The following SREK1 variants were observed in gnomAD, a reference collection of about 807,000 sequenced individuals.
SREK1 encodes the protein splicing regulatory glutamic acid and lysine rich protein 1.
In SREK1, 13 loss-of-function variants were observed where a neutral mutation model predicts 66.5. That is an observed-to-expected ratio of 0.20 (90% CI 0.13 to 0.31). The LOEUF (loss-of-function observed/expected upper bound fraction) is 0.31. Among genes scored for constraint, SREK1 ranks in the 10% least tolerant of loss-of-function variants. The pLI is 1.00. For missense variants in SREK1, 607 were observed against 769.6 expected, an observed-to-expected ratio of 0.79 and a Z score of 2.50; for synonymous variants, 265 against 263.5, an observed-to-expected ratio of 1.01 and a Z score of -0.05.
intron 6 of SREK1, chr5:66,164,268 C>T (rs1744992877): frequency 7.4e-6 from 2 of 271,102 alleles, no homozygotes; most frequent in Non-Finnish European, 1.4e-5. Context: ...TACTTTTCCT[C>T]AACATTTTAA....
intron 1 of SREK1, among the ~76,000 whole-genome samples, chr5:66,145,698 A>T (rs538176571): frequency 6.6e-6 from 1 of 150,810 alleles, no homozygotes; most frequent in Non-Finnish European, 1.5e-5. Context: ...TTTTACGAGC[A>T]TTTTGTCTGT....
At chr5:66,152,012 A>AT (rs780892165) in intron 1 of SREK1, among the ~76,000 whole-genome samples, 25 of 151,716 alleles carry the variant, frequency 1.6e-4, no homozygotes, top group South Asian at 6.2e-4. Context: ...CGCCTGGAGA[A>AT]TTTTTTGTAT....
intron 10 of SREK1, among the ~76,000 whole-genome samples, chr5:66,175,929 G>A (rs533886493): frequency 3.0e-4 from 45 of 152,076 alleles, no homozygotes; most frequent in African/African-American, 9.4e-4. Flanking sequence ...TTTTACAAAG[G>A]TTTTTCATTT....
chr5:66,154,695 C>T (rs141268351), intron 2 of SREK1, among the ~76,000 whole-genome samples: 54 of 152,188 alleles, frequency 3.5e-4, no homozygotes, highest in African/African-American at 1.3e-3. Context: ...TTTTAAGTCC[C>T]AGAATAGGAC....
Position 66,156,197 on chromosome 5 carries a change from C to T in SREK1, c.295+2601C>T, listed in dbSNP as rs959082575. 8.6e-6 allele frequency: 11 copies of T among 1,280,650 alleles called. No homozygotes were observed. In the Admixed American group the frequency reaches 1.6e-4, roughly 18 times the overall value. 79.3% of individuals were successfully genotyped at this position (1,280,650 alleles called of 1,614,324 possible). A position where few individuals can be genotyped will look rare whatever the true frequency, so the allele number is the denominator to read the frequency against. On this transcript the variant is annotated intron_variant, in intron 2 of 11. Transcript: ENST00000334121. ...CGGAGTCTGAACCGCAGAAGATGGACGCCCTGTCTCTGTTTTTTATTGTTT... is the reference window on the plus strand; with the variant it reads ...CGGAGTCTGAACCGCAGAAGATGGATGCCCTGTCTCTGTTTTTTATTGTTT...
intron 1 of SREK1, among the ~76,000 whole-genome samples, chr5:66,147,221 A>T (rs944217102): frequency 5.3e-5 from 8 of 152,220 alleles, no homozygotes; most frequent in African/African-American, 1.9e-4. Context: ...AGCATTAAGA[A>T]TTCTTATTTG....
At chr5:66,163,679 T>TA (rs1268641546) in intron 5 of SREK1, 113 bp from the exon 6 acceptor site, 23 of 1,093,888 alleles carry the variant, frequency 2.1e-5, no homozygotes, top group Middle Eastern at 3.2e-4. Flanking sequence ...ATATCATTCT[T>TA]ACGTGCTTCT....
At chr5:66,155,925 GA>G in intron 2 of SREK1, 2 of 1,284,924 alleles carry the variant, frequency 1.6e-6, no homozygotes, top group Non-Finnish European at 2.1e-6. Context: ...TTAACACGTA[GA>G]AAAAGATACG....
intron 2 of SREK1, chr5:66,156,362 A>C: frequency 8.1e-7 from 1 of 1,233,958 alleles, no homozygotes; most frequent in South Asian, 2.9e-5. Flanking sequence ...TTAAGGGTTC[A>C]TAACGTGTTG....
chr5:66,162,176 T>A lies in SREK1; in HGVS notation c.479T>A (p.Leu160His), dbSNP rs1413350842. 3 of 1,614,038 alleles carry A rather than the reference T, an allele frequency of 1.9e-6. No homozygotes were observed. The African/African-American group carries it at 4.0e-5, about 22-fold the overall frequency. ...GCACTAGACCCCAACATTGCAACAC[T>A]TGGAGAGATACCACAGCCACCACTT... The part of the protein sequence containing the change: ...AAALDPNIAT[L>H]GEIPQPPLMG... The change falls in exon 4 of 12, where the codon CTT becomes CAT. Residue 160 changes from leucine (L) to histidine (H), a missense_variant. By Grantham distance (99) the Leu-to-His change is moderately conservative. Coordinates refer to ENST00000334121, the MANE Select transcript of SREK1 (RefSeq NM_001077199.3).
intron 5 of SREK1, 22 bp from the exon 6 acceptor site, chr5:66,163,770 T>C: frequency 1.2e-6 from 2 of 1,602,760 alleles, no homozygotes; most frequent in Non-Finnish European, 8.5e-7. Flanking sequence ...GTATTTGTGA[T>C]ATGCTAATAT....
intron 7 of SREK1, chr5:66,168,263 A>C (rs1415377202): frequency 3.3e-5 from 5 of 152,200 alleles, no homozygotes; most frequent in African/African-American, 1.2e-4. Context: ...ATTTTGACTA[A>C]CTGAAAAATG....
chr5:66,151,763 G>T (rs1255650069), intron 1 of SREK1, among the ~76,000 whole-genome samples: 5 of 147,184 alleles, frequency 3.4e-5, no homozygotes, highest in Non-Finnish European at 7.5e-5. Context: ...AGGGATTTTT[G>T]TTGAGGGCTG....
chr5:66,161,214 C>G (rs1330551559), intron 3 of SREK1, among the ~76,000 whole-genome samples: 2 of 152,176 alleles, frequency 1.3e-5, no homozygotes, highest in Admixed American at 1.3e-4. Context: ...TCATACTCAT[C>G]TGTGTTTTTC....
At chr5:66,168,764 A>G (rs1745378961) in intron 7 of SREK1, 1 of 152,240 alleles carries the variant, frequency 6.6e-6, no homozygotes, top group South Asian at 2.1e-4. Context: ...GGATACTTAT[A>G]GAAGTTCATT....
intron 3 of SREK1, among the ~76,000 whole-genome samples, chr5:66,160,723 C>G (rs1423301502): frequency 6.6e-6 from 1 of 152,118 alleles, no homozygotes; most frequent in Non-Finnish European, 1.5e-5. Context: ...TCATAAACTT[C>G]CGTTTTCACC....
At chr5:66,178,256 C>T (rs554715216) in intron 11 of SREK1, among the ~76,000 whole-genome samples, 54 of 152,064 alleles carry the variant, frequency 3.6e-4, no homozygotes, top group African/African-American at 9.4e-4. Context: ...TACGATGTGC[C>T]GGGCACTGTT....
intron 1 of SREK1, 59 bp downstream of exon 1, chr5:66,144,596 G>T (rs1402457138): frequency 2.0e-6 from 3 of 1,499,104 alleles, no homozygotes; most frequent in Admixed American, 2.3e-5. Context: ...CTCGGGAGCC[G>T]AGGCGTGGAG....
Position 66,181,036 on chromosome 5 carries a change from A to G in SREK1, c.*2168A>G, listed in dbSNP as rs922524835. ...GTATGAGTGTTTTCTTGTACTCTGGACCTATTACATGTTTCTTTATGTTGG... is the reference window on the plus strand; with the variant it reads ...GTATGAGTGTTTTCTTGTACTCTGGGCCTATTACATGTTTCTTTATGTTGG... On this transcript the variant is annotated 3_prime_UTR_variant, in exon 12 of 12. Coordinates refer to ENST00000334121, the MANE Select transcript of SREK1 (RefSeq NM_001077199.3). The G allele has an allele frequency of 1.3e-5, 2 of 152,110 alleles. No individual in the cohort carries two copies. The highest frequency in any genetic ancestry group is 2.4e-5 in the African/African-American group (1 of 41,418). The allele number at this position is 152,110 out of a possible 1,614,324, so 9.4% of individuals were successfully genotyped here.
Sources: allele counts gnomAD v4.1 joint callset (sites outside exome capture counted in the v4.1 genomes callset), GRCh38; gene constraint gnomAD v4.1.1; transcripts MANE v1.5; gene names NCBI Gene and HGNC (gene_info 2026-07-23, HGNC 2026-07-21).